Variants in THRB observed in about 807,000 individuals in gnomAD.
THRB encodes thyroid hormone receptor beta.
In THRB, 12 loss-of-function variants were observed where a neutral mutation model predicts 47.8. The observed-to-expected ratio is 0.25, with a 90% CI of 0.16 to 0.41. The LOEUF (loss-of-function observed/expected upper bound fraction) is 0.41. Among genes scored for constraint, THRB ranks in the 10% least tolerant of loss-of-function variants. The pLI is 1.00. For missense variants in THRB, 348 were observed against 589.2 expected, an observed-to-expected ratio of 0.59 and a Z score of 4.24; for synonymous variants, 218 against 212.2, an observed-to-expected ratio of 1.03 and a Z score of -0.24.
chr3:24,289,881 C>A (rs1179087390), intron 3 of THRB, among the ~76,000 whole-genome samples: 1 of 152,076 alleles, frequency 6.6e-6, no homozygotes, highest in South Asian at 2.1e-4. Flanking sequence ...GGTGACAAAC[C>A]TAAAATCTCT....
At chr3:24,368,287 C>T (rs1202015061) in intron 1 of THRB, among the ~76,000 whole-genome samples, 2 of 152,042 alleles carry the variant, frequency 1.3e-5, no homozygotes, top group Non-Finnish European at 2.9e-5. Context: ...CTCTTTGTGC[C>T]CCCTGACTTT....
chr3:24,189,686 A>C (rs2043084659), intron 5 of THRB, among the ~76,000 whole-genome samples: 1 of 152,242 alleles, frequency 6.6e-6, no homozygotes, highest in Non-Finnish European at 1.5e-5. Flanking sequence ...CTACTGGCAC[A>C]CTTGGGAAAA....
At chr3:24,196,207 T>C (rs766894370) in intron 4 of THRB, among the ~76,000 whole-genome samples, 30 of 152,152 alleles carry the variant, frequency 2.0e-4, no homozygotes, top group Non-Finnish European at 3.4e-4. Context: ...CCTGACCTTC[T>C]ATAGTTCAGT....
intron 5 of THRB, among the ~76,000 whole-genome samples, chr3:24,154,481 G>T (rs1376451766): frequency 6.6e-6 from 1 of 152,190 alleles, no homozygotes; most frequent in Non-Finnish European, 1.5e-5. Context: ...ATGAGAAAAA[G>T]AGAGGTGAAA....
chr3:24,487,814 C>G (rs188469153), intron 1 of THRB, among the ~76,000 whole-genome samples: 29 of 152,250 alleles, frequency 1.9e-4, no homozygotes, highest in Admixed American at 4.6e-4. Context: ...GACTATAAGA[C>G]AGAAATGTGC....
At chr3:24,181,198 G>T (rs1374313784) in intron 5 of THRB, among the ~76,000 whole-genome samples, 1 of 152,126 alleles carries the variant, frequency 6.6e-6, no homozygotes, top group Non-Finnish European at 1.5e-5. Context: ...TGTTTTAGGG[G>T]GCTGGTAATG....
intron 1 of THRB, among the ~76,000 whole-genome samples, chr3:24,370,941 C>G (rs1343217563): frequency 6.6e-6 from 1 of 152,122 alleles, no homozygotes; most frequent in Non-Finnish European, 1.5e-5. Context: ...ATTAATTAAG[C>G]TCTGTTTGCA....
intron 5 of THRB, among the ~76,000 whole-genome samples, chr3:24,176,159 C>T (rs562182154): frequency 2.4e-4 from 37 of 152,016 alleles, no homozygotes; most frequent in Admixed American, 1.7e-3. Flanking sequence ...AAATGCTCTT[C>T]GATATTTTGT....
At chr3:24,230,288 T>G (rs917088699) in intron 3 of THRB, among the ~76,000 whole-genome samples, 4 of 152,216 alleles carry the variant, frequency 2.6e-5, no homozygotes, top group African/African-American at 9.6e-5. Context: ...CACTGTAATC[T>G]CTTTATGGCA....
At chr3:24,290,256 G>C (rs886076884) in intron 3 of THRB, among the ~76,000 whole-genome samples, 2 of 152,176 alleles carry the variant, frequency 1.3e-5, no homozygotes, top group Non-Finnish European at 2.9e-5. Flanking sequence ...CTTTCAGGAA[G>C]TTTACTGGGT....
intron 3 of THRB, among the ~76,000 whole-genome samples, chr3:24,264,222 C>G (rs936771726): frequency 6.6e-6 from 1 of 152,034 alleles, no homozygotes; most frequent in African/African-American, 2.4e-5. Context: ...GCCTCAGGAC[C>G]TTTGAACATG....
intron 3 of THRB, among the ~76,000 whole-genome samples, chr3:24,292,082 G>T (rs530859077): frequency 6.6e-6 from 1 of 152,100 alleles, no homozygotes; most frequent in Non-Finnish European, 1.5e-5. Flanking sequence ...GTTATATAGA[G>T]AGGTATGAAA....
intron 1 of THRB, among the ~76,000 whole-genome samples, chr3:24,417,457 T>C (rs977099143): frequency 5.9e-5 from 9 of 151,888 alleles, no homozygotes; most frequent in African/African-American, 2.2e-4. Context: ...TTGCAAGATA[T>C]GTCACTAGGG....
chr3:24,212,527 GA>G lies in THRB; in HGVS notation c.22+16410del, dbSNP rs1432945382. Among the ~76,000 whole-genome samples, 72 of 137,994 alleles carry G rather than the reference GA, an allele frequency of 5.2e-4. 1 individual carries two copies. Among genetic ancestry groups the G allele is most frequent in the South Asian group, 2.6e-3 (10 of 3,874 alleles). 90.5% of individuals were successfully genotyped at this position (137,994 alleles called of 152,430 possible). ...TGGGAGGTGGAGGTTGCAGTGAGCT[GA>G]GATCGCACCATTGCACTCCAGCCTG... is the stretch of plus-strand genomic sequence containing the variant. On this transcript the variant is annotated intron_variant, in intron 4 of 10. Transcript: ENST00000646209.
At chr3:24,444,057 G>A (rs1043219153) in intron 1 of THRB, among the ~76,000 whole-genome samples, 6 of 151,710 alleles carry the variant, frequency 4.0e-5, no homozygotes, top group Non-Finnish European at 8.8e-5. Flanking sequence ...AGCATATTAG[G>A]AATGCAAAAA....
chr3:24,234,756 T>C (rs1175720541), intron 3 of THRB, among the ~76,000 whole-genome samples: 1 of 152,108 alleles, frequency 6.6e-6, no homozygotes, highest in Non-Finnish European at 1.5e-5. Flanking sequence ...TGGTGATATG[T>C]GAGTTTGGCT....
chr3:24,420,441 T>C (rs533803306), intron 1 of THRB, among the ~76,000 whole-genome samples: 11 of 152,020 alleles, frequency 7.2e-5, no homozygotes, highest in African/African-American at 2.4e-4. Flanking sequence ...GCACTTGAAG[T>C]AGCAGCACAG....
chr3:24,435,937 G>A (rs2070898735), intron 1 of THRB, among the ~76,000 whole-genome samples: 1 of 152,096 alleles, frequency 6.6e-6, no homozygotes, highest in African/African-American at 2.4e-5. Context: ...ACTAGAGAAA[G>A]CAAAAAAGTA....
At chr3:24,287,596 G>C (rs1237725334) in intron 3 of THRB, among the ~76,000 whole-genome samples, 1 of 152,170 alleles carries the variant, frequency 6.6e-6, no homozygotes, top group Non-Finnish European at 1.5e-5. Flanking sequence ...ACTTGAAAGG[G>C]AGAGAAGAAA....
Sources: allele counts gnomAD v4.1 joint callset (sites outside exome capture counted in the v4.1 genomes callset), GRCh38; gene constraint gnomAD v4.1.1; transcripts MANE v1.5; gene names NCBI Gene and HGNC (gene_info 2026-07-23, HGNC 2026-07-21).